The following JAZF1 variants were observed in gnomAD, a reference collection of about 807,000 sequenced individuals.
The protein encoded by JAZF1 is JAZF zinc finger 1.
JAZF1 carries 8 observed loss-of-function variants against 26.4 expected under a neutral mutation model. That is an observed-to-expected ratio of 0.30 (90% CI 0.18 to 0.55). The LOEUF (loss-of-function observed/expected upper bound fraction) is 0.55. JAZF1 is among the 20% of genes least tolerant of loss of function. The probability of loss-of-function intolerance (pLI) is 0.94; values close to 1 mark genes in which losing one functional copy is unlikely to be tolerated. For synonymous variants in JAZF1, 126 were observed against 122.3 expected (o/e 1.03, Z -0.20); for missense variants, 199 against 322.0 (o/e 0.62, Z 2.92).
rs11978549 is a variant in JAZF1 at position 27,864,092 on chromosome 7, G to C, written c.386-23225C>G. ...GCAGGGCCCTGACTACCGCCTGGCC[G>C]CTGTGACGAGACCGTCGTCATCCTA... is the stretch of plus-strand genomic sequence containing the variant. On this transcript the variant is annotated intron_variant, in intron 3 of 4. Coordinates refer to ENST00000283928, the MANE Select transcript of JAZF1 (RefSeq NM_175061.4). 3 of 152,278 alleles carry C rather than the reference G, an allele frequency of 2.0e-5. No homozygotes were observed. In the South Asian group the frequency reaches 6.2e-4, roughly 32 times the overall value. 9.4% of individuals were successfully genotyped at this position (152,278 alleles called of 1,614,324 possible).
At chr7:28,077,501 A>G (rs568413524) in intron 1 of JAZF1, among the ~76,000 whole-genome samples, 297 of 152,152 alleles carry the variant, frequency 2.0e-3, no homozygotes, top group African/African-American at 6.8e-3. Flanking sequence ...AAAAAAGGCT[A>G]CTGGAGCCTT....
chr7:28,123,992 C>T (rs111841637), intron 1 of JAZF1, among the ~76,000 whole-genome samples: 106 of 152,300 alleles, frequency 7.0e-4, no homozygotes, highest in Non-Finnish European at 1.1e-3. Context: ...GGAGACGCAA[C>T]GTGCCACGTG....
intron 1 of JAZF1, among the ~76,000 whole-genome samples, chr7:28,008,438 A>G (rs960757913): frequency 1.3e-5 from 2 of 152,184 alleles, no homozygotes; most frequent in Non-Finnish European, 2.9e-5. Context: ...TATAGGTGTG[A>G]GCCACTGTGT....
chr7:28,159,783 C>T (rs1390011387), intron 1 of JAZF1, among the ~76,000 whole-genome samples: 1 of 152,080 alleles, frequency 6.6e-6, no homozygotes, highest in African/African-American at 2.4e-5. Flanking sequence ...TCCTGGTGTA[C>T]ACATAGCCTA....
chr7:28,122,170 A>G (rs955381483), intron 1 of JAZF1, among the ~76,000 whole-genome samples: 1 of 152,198 alleles, frequency 6.6e-6, no homozygotes, highest in Non-Finnish European at 1.5e-5. Context: ...CTTGGGGGAA[A>G]GAAGTAAGAA....
chr7:28,098,972 G>A lies in JAZF1; in HGVS notation c.115+81491C>T, dbSNP rs191908489. Among the ~76,000 whole-genome samples the A allele has an allele frequency of 2.0e-4, 31 of 152,220 alleles. No individual in the cohort carries two copies. In the East Asian group the frequency reaches 4.4e-3, roughly 22 times the overall value. On this transcript the variant is annotated intron_variant, in intron 1 of 4. Coordinates refer to ENST00000283928, the MANE Select transcript of JAZF1 (RefSeq NM_175061.4). Reference sequence around the variant, plus strand: ...TTCTGAATTAAATGTTCTCTCTCTCGGGCCATGATAGGCATCCATGGGCTA... The same window carrying A: ...TTCTGAATTAAATGTTCTCTCTCTCAGGCCATGATAGGCATCCATGGGCTA...
intron 1 of JAZF1, among the ~76,000 whole-genome samples, chr7:28,045,542 A>G (rs1026274830): frequency 1.3e-5 from 2 of 152,146 alleles, no homozygotes; most frequent in African/African-American, 4.8e-5. Context: ...TAAAAGTGCA[A>G]TGAGTGTGTG....
intron 1 of JAZF1, among the ~76,000 whole-genome samples, chr7:28,092,155 T>C (rs1403305164): frequency 3.3e-5 from 5 of 151,918 alleles, no homozygotes; most frequent in African/African-American, 1.2e-4. Flanking sequence ...ATGTAGACAC[T>C]GTAATTACAT....
At chr7:27,845,689 T>G (rs1783011962) in intron 3 of JAZF1, among the ~76,000 whole-genome samples, 1 of 104,434 alleles carries the variant, frequency 9.6e-6, no homozygotes, top group South Asian at 3.1e-4. Context: ...AGGGCGAGAC[T>G]CTGCCTCAAA....
intron 1 of JAZF1, among the ~76,000 whole-genome samples, chr7:28,097,612 G>A (rs1366432213): frequency 6.6e-6 from 1 of 152,188 alleles, no homozygotes; most frequent in Non-Finnish European, 1.5e-5. Context: ...TGGGAGAGCT[G>A]AAGGAGCTGG....
chr7:28,023,863 C>T (rs1257106804), intron 1 of JAZF1, among the ~76,000 whole-genome samples: 2 of 152,184 alleles, frequency 1.3e-5, no homozygotes, highest in African/African-American at 4.8e-5. Flanking sequence ...GATATAAATG[C>T]TTCATTAAGA....
intron 3 of JAZF1, chr7:27,843,022 CAG>C (rs1199576878): frequency 2.0e-5 from 3 of 152,422 alleles, no homozygotes; most frequent in East Asian, 3.9e-4. Flanking sequence ...GTCTGCGTCT[CAG>C]GGGGAAGGCA....
At chr7:28,015,895 T>A (rs1782882444) in intron 1 of JAZF1, among the ~76,000 whole-genome samples, 1 of 152,132 alleles carries the variant, frequency 6.6e-6, no homozygotes, top group Non-Finnish European at 1.5e-5. Context: ...AGGTCCCCCC[T>A]GCTCCCCAGG....
chr7:27,956,777 G>A (rs1012936333), intron 2 of JAZF1, among the ~76,000 whole-genome samples: 4 of 152,146 alleles, frequency 2.6e-5, no homozygotes, highest in Non-Finnish European at 4.4e-5. Flanking sequence ...CAGCCAGTCC[G>A]GGCTGCTGAG....
Position 27,914,638 on chromosome 7 carries a change from A to T in JAZF1, c.189-19222T>A, listed in dbSNP as rs1784414951. 6.8e-6 allele frequency: 3 copies of T among 442,290 alleles called. No individual in the cohort carries two copies. In the Admixed American group the frequency reaches 7.2e-5, roughly 11 times the overall value. The allele number at this position is 442,290 out of a possible 1,614,324, so 27.4% of individuals were successfully genotyped here. On this transcript the variant is annotated intron_variant, in intron 2 of 4. Coordinates refer to ENST00000283928, the MANE Select transcript of JAZF1 (RefSeq NM_175061.4). The stretch of plus-strand genomic sequence containing the variant: ...AACTCCTGCTCACCAGCCAAGGACA[A>T]GAGTGCTGTGTGGCCAACATTTACC...
intron 1 of JAZF1, among the ~76,000 whole-genome samples, chr7:28,089,145 G>A (rs1381308422): frequency 6.6e-6 from 1 of 152,174 alleles, no homozygotes; most frequent in Non-Finnish European, 1.5e-5. Flanking sequence ...AATATTTAAG[G>A]AAACTTAAAA....
At chr7:28,117,917 C>T (rs1026038367) in intron 1 of JAZF1, among the ~76,000 whole-genome samples, 15 of 152,008 alleles carry the variant, frequency 9.9e-5, no homozygotes, top group Admixed American at 3.3e-4. Flanking sequence ...GCAAGCAATA[C>T]AACACAATTA....
At chr7:28,005,782 C>T (rs535708830) in intron 1 of JAZF1, among the ~76,000 whole-genome samples, 1 of 151,944 alleles carries the variant, frequency 6.6e-6, no homozygotes, top group African/African-American at 2.4e-5. Context: ...CTGGGAAGTC[C>T]CTGGACCTTC....
chr7:28,038,826 C>T (rs1337164900), intron 1 of JAZF1, among the ~76,000 whole-genome samples: 4 of 152,196 alleles, frequency 2.6e-5, no homozygotes, highest in East Asian at 1.9e-4. Context: ...CTGAACATAT[C>T]GGTAGTTTAG....
Sources: allele counts gnomAD v4.1 joint callset (sites outside exome capture counted in the v4.1 genomes callset), GRCh38; gene constraint gnomAD v4.1.1; transcripts MANE v1.5; gene names NCBI Gene and HGNC (gene_info 2026-07-23, HGNC 2026-07-21).